OSTN: variants seen among roughly 807,000 people sequenced by gnomAD.
OSTN encodes osteocrin.
A neutral mutation model predicts 12.0 loss-of-function variants in OSTN; 9 were observed. The observed-to-expected ratio is 0.75, with a 90% CI of 0.45 to 1.30. OSTN has a LOEUF of 1.30. Among genes scored for constraint, OSTN ranks in the 50% most tolerant of loss-of-function variants. The pLI is 0.00. For synonymous variants in OSTN, 59 were observed against 56.9 expected, an observed-to-expected ratio of 1.04 and a Z score of -0.16; for missense variants, 148 against 152.3, an observed-to-expected ratio of 0.97 and a Z score of 0.15.
In OSTN at chr3:191,265,467, C is replaced by A. The variant is rs1375319897; in HGVS notation, c.*2614C>A. 4 of 151,962 alleles carry A rather than the reference C, an allele frequency of 2.6e-5. No homozygotes were observed. Among genetic ancestry groups the A allele is most frequent in the Non-Finnish European group, 4.4e-5 (3 of 67,980 alleles). 9.4% of individuals were successfully genotyped at this position (151,962 alleles called of 1,614,324 possible). Reference sequence around the variant, plus strand: ...GCTTTAGGGAATTAAGTTTCTTAAACCAAATTATGAAAAAATAACTTAATG... The same window carrying A: ...GCTTTAGGGAATTAAGTTTCTTAAAACAAATTATGAAAAAATAACTTAATG... On this transcript the variant is annotated 3_prime_UTR_variant, in exon 5 of 5. Transcript: ENST00000682035.
At chr3:191,245,213 T>G in intron 3 of OSTN, among the ~76,000 whole-genome samples, 1 of 152,230 alleles carries the variant, frequency 6.6e-6, no homozygotes, top group East Asian at 1.9e-4. Flanking sequence ...TTACCACTTT[T>G]CAATGTAAAA....
intron 4 of OSTN, among the ~76,000 whole-genome samples, chr3:191,250,389 A>AGT (rs1715534155): frequency 2.0e-5 from 3 of 152,184 alleles, no homozygotes; most frequent in Non-Finnish European, 4.4e-5. Flanking sequence ...TCAGACTTCT[A>AGT]TGTAATTAAC....
At chr3:191,259,944 TC>T in intron 4 of OSTN, among the ~76,000 whole-genome samples, 1 of 144,252 alleles carries the variant, frequency 6.9e-6, no homozygotes. Flanking sequence ...AACCTCCACC[TC>T]CCCGGTTCAA....
chr3:191,200,637 T>C (rs1466874047), intron 1 of OSTN, among the ~76,000 whole-genome samples: 2 of 152,160 alleles, frequency 1.3e-5, no homozygotes, highest in East Asian at 3.8e-4. Flanking sequence ...TATTGTATTT[T>C]GTCCTTGTGA....
chr3:191,263,166 G>A lies in OSTN; in HGVS notation c.*313G>A. 2 of 309,224 alleles carry A rather than the reference G, an allele frequency of 6.5e-6. No individual in the cohort carries two copies. Among genetic ancestry groups the A allele is most frequent in the South Asian group, 8.9e-5 (1 of 11,238 alleles). 19.2% of individuals were successfully genotyped at this position (309,224 alleles called of 1,614,324 possible). On this transcript the variant is annotated 3_prime_UTR_variant, in exon 5 of 5. Coordinates refer to ENST00000682035, the MANE Select transcript of OSTN (RefSeq NM_198184.2). ...CAATACAGTGAAATGCCTTCTGTAT[G>A]GATTTACCATGCACATGTTTGTAGT...
chr3:191,227,469 T>C (rs1331193643), intron 3 of OSTN, among the ~76,000 whole-genome samples: 1 of 152,192 alleles, frequency 6.6e-6, no homozygotes, highest in Non-Finnish European at 1.5e-5. Context: ...GGCCCTGCCT[T>C]CCTCCTATTT....
In OSTN at chr3:191,265,146, TAAG is replaced by T. The variant is rs1715894646; in HGVS notation, c.*2296_*2298del. ...CAGTAAATTAAGACAGAATTTTTGT[TAAG>T]AATATGACAAGTCATCTCACTTATT... On this transcript the variant is annotated 3_prime_UTR_variant, in exon 5 of 5. Transcript: ENST00000682035. 1 of 152,204 alleles carries T rather than the reference TAAG, an allele frequency of 6.6e-6. No homozygotes were observed. The highest frequency in any genetic ancestry group is 1.5e-5 in the Non-Finnish European group (1 of 68,000). The allele number at this position is 152,204 out of a possible 1,614,324, so 9.4% of individuals were successfully genotyped here.
intron 3 of OSTN, among the ~76,000 whole-genome samples, chr3:191,221,651 C>T (rs988031654): frequency 6.6e-6 from 1 of 151,048 alleles, no homozygotes; most frequent in Non-Finnish European, 1.5e-5. Flanking sequence ...TTCTAAATGG[C>T]AAAGTGTTCA....
intron 3 of OSTN, among the ~76,000 whole-genome samples, chr3:191,219,905 C>T (rs534956865): frequency 6.6e-6 from 1 of 152,302 alleles, no homozygotes; most frequent in East Asian, 1.9e-4. Flanking sequence ...TCCACTCTTT[C>T]CTCATCTCTA....
intron 3 of OSTN, among the ~76,000 whole-genome samples, chr3:191,230,501 T>G (rs1576931102): frequency 6.9e-6 from 1 of 145,310 alleles, no homozygotes; most frequent in Non-Finnish European, 1.5e-5. Context: ...GAGGTGGAGG[T>G]TGCAGTGAGC....
intron 1 of OSTN, among the ~76,000 whole-genome samples, chr3:191,210,743 T>C (rs1335907380): frequency 6.6e-6 from 1 of 152,186 alleles, no homozygotes; most frequent in Admixed American, 6.5e-5. Flanking sequence ...TAGAGTTTCT[T>C]GAGACTTGTC....
intron 1 of OSTN, among the ~76,000 whole-genome samples, chr3:191,199,624 T>G (rs951919072): frequency 3.3e-5 from 5 of 152,062 alleles, no homozygotes; most frequent in African/African-American, 1.2e-4. Context: ...TCCTCAAAAT[T>G]GTGTAATATT....
intron 3 of OSTN, among the ~76,000 whole-genome samples, chr3:191,222,764 C>A (rs1020744012): frequency 2.0e-5 from 3 of 151,992 alleles, no homozygotes; most frequent in Non-Finnish European, 4.4e-5. Flanking sequence ...TCCCATGATC[C>A]CCTCGTGTTA....
At chr3:191,211,729 A>G (rs987529337) in intron 1 of OSTN, among the ~76,000 whole-genome samples, 8 of 152,166 alleles carry the variant, frequency 5.3e-5, no homozygotes, top group African/African-American at 1.9e-4. Context: ...TGAATTAAAG[A>G]AAGTGTATGT....
chr3:191,212,604 A>G lies in OSTN; in HGVS notation c.72A>G (p.Lys24=), dbSNP rs1360671722. 3.8e-6 allele frequency: 6 copies of G among 1,585,314 alleles called. No homozygotes were observed. The highest frequency in any genetic ancestry group is 3.4e-6 in the Non-Finnish European group (4 of 1,161,662). ...CACTGACACTGTGGAGCTCAGGAAAAGTCCTCTCAGTAGATGTAACAACAA... is the reference window on the plus strand; with the variant it reads ...CACTGACACTGTGGAGCTCAGGAAAGGTCCTCTCAGTAGATGTAACAACAA... The part of the protein sequence containing the change: ...AVTLTLWSSG[K]VLSVDVTTTE... Residue 24 remains lysine, a synonymous_variant, in exon 2 of 5, where the codon AAA becomes AAG. Coordinates refer to ENST00000682035, the MANE Select transcript of OSTN (RefSeq NM_198184.2).
intron 1 of OSTN, among the ~76,000 whole-genome samples, chr3:191,207,387 GT>G (rs35631602): frequency 0.43 from 64,859 of 149,416 alleles, 14,791 homozygotes; most frequent in East Asian, 0.58. Flanking sequence ...CACCTGAGTT[GT>G]TTTTTTTTTG....
At chr3:191,208,261 C>T (rs1357003302) in intron 1 of OSTN, among the ~76,000 whole-genome samples, 2 of 152,162 alleles carry the variant, frequency 1.3e-5, no homozygotes, top group Admixed American at 1.3e-4. Flanking sequence ...AAATCATGGG[C>T]TATATTTATC....
chr3:191,223,798 A>T (rs1253923403), intron 3 of OSTN, among the ~76,000 whole-genome samples: 1 of 152,236 alleles, frequency 6.6e-6, no homozygotes, highest in South Asian at 2.1e-4. Flanking sequence ...TATGTAATAA[A>T]CTCATATGTA....
At chr3:191,262,570 A>G (rs1715836422) in intron 4 of OSTN, among the ~76,000 whole-genome samples, 1 of 152,214 alleles carries the variant, frequency 6.6e-6, no homozygotes, top group Admixed American at 6.5e-5. Flanking sequence ...CAAGCAAAAT[A>G]GAATATAGTT....
Sources: allele counts gnomAD v4.1 joint callset (sites outside exome capture counted in the v4.1 genomes callset), GRCh38; gene constraint gnomAD v4.1.1; transcripts MANE v1.5; gene names NCBI Gene and HGNC (gene_info 2026-07-23, HGNC 2026-07-21).